KALRN: variants seen among roughly 807,000 people sequenced by gnomAD.
KALRN encodes kalirin RhoGEF kinase.
In KALRN, 70 loss-of-function variants were observed where a neutral mutation model predicts 353.7. That is an observed-to-expected ratio of 0.20 (90% CI 0.16 to 0.24). KALRN has a LOEUF of 0.24. Ranked by LOEUF, KALRN falls within the 10% of genes least tolerant of loss-of-function variation. The probability of loss-of-function intolerance (pLI) is 1.00; values close to 1 mark genes in which losing one functional copy is unlikely to be tolerated. For synonymous variants in KALRN, 1,391 were observed against 1,434.8 expected (o/e 0.97, Z 0.69); for missense variants, 2,791 against 3,756.7 (o/e 0.74, Z 6.72).
chr3:124,163,866 C>A, intron 1 of KALRN: 1 of 985,468 alleles, frequency 1.0e-6, no homozygotes, highest in Non-Finnish European at 1.2e-6. Context: ...CTCTGCATGA[C>A]CAAGCCTTGG....
rs146885046 is a variant in KALRN at position 124,352,989 on chromosome 3, C to T, written c.1770+5724C>T. Reference sequence around the variant, plus strand: ...GTAACAAACCTGCACGTTGTGCACACGTACCCCAGAACTGAAAGTATAACA... The same window carrying T: ...GTAACAAACCTGCACGTTGTGCACATGTACCCCAGAACTGAAAGTATAACA... On this transcript the variant is annotated intron_variant, in intron 10 of 59. Coordinates refer to ENST00000682506, the MANE Select transcript of KALRN (RefSeq NM_001388419.1). Among the ~76,000 whole-genome samples, 17 of 152,036 alleles carry T rather than the reference C, an allele frequency of 1.1e-4. No homozygotes were observed. The East Asian group carries it at 2.5e-3, about 23-fold the overall frequency.
intron 54 of KALRN, among the ~76,000 whole-genome samples, chr3:124,697,104 A>G (rs565274570): frequency 6.6e-6 from 1 of 152,110 alleles, no homozygotes; most frequent in Admixed American, 6.5e-5. Context: ...AACTTTTTGT[A>G]GTGATGGAGC....
chr3:124,604,990 A>C (rs2077184328), intron 34 of KALRN, among the ~76,000 whole-genome samples: 1 of 152,112 alleles, frequency 6.6e-6, no homozygotes, highest in African/African-American at 2.4e-5. Context: ...CCTCATCTCT[A>C]CAAAAAATAT....
intron 1 of KALRN, among the ~76,000 whole-genome samples, chr3:124,109,782 T>TAA (rs2062695940): frequency 1.4e-5 from 1 of 72,764 alleles, no homozygotes; most frequent in Non-Finnish European, 2.5e-5. Flanking sequence ...ATGACATATA[T>TAA]ATCATACTTT....
chr3:124,078,289 C>T (rs975680195), intron 1 of KALRN, among the ~76,000 whole-genome samples: 3 of 152,186 alleles, frequency 2.0e-5, no homozygotes, highest in Non-Finnish European at 4.4e-5. Flanking sequence ...ACTATACTAG[C>T]ATAAGAGACA....
chr3:124,156,207 G>C (rs2149967016), intron 1 of KALRN, among the ~76,000 whole-genome samples: 1 of 152,292 alleles, frequency 6.6e-6, no homozygotes, highest in South Asian at 2.1e-4. Flanking sequence ...CTCCACCTCT[G>C]CTTCTCTCTC....
Position 124,633,963 on chromosome 3 carries a change from CTTT to C in KALRN, c.5568+11_5568+13del. On this transcript the variant is annotated intron_variant, in intron 36 of 59. Transcript: ENST00000682506. Reference sequence around the variant, plus strand: ...TACACAGGATGAAATGGTAGAACTTCTTTACTTGCTCACTTAAAAGAGCAACGT... The same window carrying C: ...TACACAGGATGAAATGGTAGAACTTCACTTGCTCACTTAAAAGAGCAACGT... 1 of 1,608,078 alleles carries C rather than the reference CTTT, an allele frequency of 6.2e-7. No homozygotes were observed. The highest frequency in any genetic ancestry group is 8.5e-7 in the Non-Finnish European group (1 of 1,174,844).
rs756303896 is a variant in KALRN at position 124,446,143 on chromosome 3, C to T, written c.3314-18C>T. ...CTCAGAGCCCCTTGTGACCATCATG[C>T]ATCTCCTCTGCCCACAGCCATCCTG... On this transcript the variant is annotated intron_variant, in intron 19 of 59. Coordinates refer to ENST00000682506, the MANE Select transcript of KALRN (RefSeq NM_001388419.1). The T allele has an allele frequency of 6.4e-7, 1 of 1,561,472 alleles. No individual in the cohort carries two copies. Among genetic ancestry groups the T allele is most frequent in the Non-Finnish European group, 8.8e-7 (1 of 1,133,800 alleles).
rs555087216 is a variant in KALRN, at chr3:124,563,741, T to C, written c.5182+652T>C. ...ACTAAACTCCTCATGACAGTGTTTC[T>C]TTAGGGGTGGTCTCTGGATTAGTAA... On this transcript the variant is annotated intron_variant, in intron 34 of 59. Transcript: ENST00000682506. 2.6e-5 allele frequency among the ~76,000 whole-genome samples: 4 copies of C among 152,316 alleles called. No individual in the cohort carries two copies. The South Asian group carries it at 8.3e-4, about 32-fold the overall frequency.
In KALRN at chr3:124,446,170, G is replaced by A. The variant is rs1367817563; in HGVS notation, c.3323G>A (p.Ser1108Asn). Residue 1108 changes from serine to asparagine, a missense_variant, in exon 20 of 60, where the codon AGT becomes AAT. This residue lies in a region of KALRN where 268 missense variants were observed against 347.0 expected (regional missense o/e 0.77). Coordinates refer to ENST00000682506, the MANE Select transcript of KALRN (RefSeq NM_001388419.1). The part of the protein sequence containing the change: ...GPEQQVKAIL[S>N]ELLQRENRVL... ...TCTCCTCTGCCCACAGCCATCCTGA[G>A]TGAGCTCCTGCAGAGGGAGAATCGC... 32 of 1,613,476 alleles carry A rather than the reference G, an allele frequency of 2.0e-5. No homozygotes were observed. The highest frequency in any genetic ancestry group is 2.7e-5 in the Non-Finnish European group (32 of 1,179,450).
rs201174512 is a variant in KALRN at position 124,678,274 on chromosome 3, T to G, written c.7278T>G (p.Arg2426=). ...NTGKNEATGP[R]KPKDILGNKV... is the part of the protein sequence containing the mutation. ...GTAAAAATGAAGCCACAGGGCCTCG[T>G]AAACCCAAGGATATTCTGGGCAACA... Residue 2426 remains arginine, a synonymous_variant, in exon 50 of 60, where the codon CGT becomes CGG. Transcript: ENST00000682506. The G allele has an allele frequency of 6.2e-7, 1 of 1,614,062 alleles. No homozygotes were observed.
intron 2 of KALRN, among the ~76,000 whole-genome samples, chr3:124,231,808 A>T (rs2079192525): frequency 6.6e-6 from 1 of 152,058 alleles, no homozygotes; most frequent in Admixed American, 6.5e-5. Flanking sequence ...CATCTTGCAG[A>T]TCTATTGTTA....
chr3:124,179,943 A>G (rs750037362), intron 1 of KALRN, among the ~76,000 whole-genome samples: 4 of 152,118 alleles, frequency 2.6e-5, no homozygotes, highest in African/African-American at 4.8e-5. Context: ...ATAAGGGGGG[A>G]CTACTATAAT....
At chr3:124,067,384 A>G (rs960771982) in intron 1 of KALRN, among the ~76,000 whole-genome samples, 2 of 151,388 alleles carry the variant, frequency 1.3e-5, no homozygotes, top group Non-Finnish European at 1.5e-5. Context: ...TATGCTCTAC[A>G]CATAGTTGGT....
intron 47 of KALRN, among the ~76,000 whole-genome samples, chr3:124,668,043 G>GACAC (rs55672121): frequency 0.097 from 13,378 of 138,062 alleles, 749 homozygotes; most frequent in Non-Finnish European, 0.13. Context: ...TGTATATCGA[G>GACAC]ACACACACAC....
At chr3:124,490,008 C>CTA (rs1435889748) in intron 29 of KALRN, among the ~76,000 whole-genome samples, 2 of 152,180 alleles carry the variant, frequency 1.3e-5, no homozygotes, top group Admixed American at 6.5e-5. Flanking sequence ...TGGCTCATGC[C>CTA]TATAATCCTA....
chr3:124,277,402 G>T (rs1055435957), intron 5 of KALRN, among the ~76,000 whole-genome samples: 1 of 152,128 alleles, frequency 6.6e-6, no homozygotes, highest in African/African-American at 2.4e-5. Context: ...GGGCAAGGAA[G>T]TGTGTCTGTA....
chr3:124,271,419 G>A (rs2074155100), intron 5 of KALRN, among the ~76,000 whole-genome samples: 1 of 152,228 alleles, frequency 6.6e-6, no homozygotes, highest in Non-Finnish European at 1.5e-5. Context: ...CCAGGTCAAG[G>A]AGGCTGCCTT....
At chr3:124,576,376 G>A (rs747769914) in intron 34 of KALRN, among the ~76,000 whole-genome samples, 1 of 151,994 alleles carries the variant, frequency 6.6e-6, no homozygotes, top group Non-Finnish European at 1.5e-5. Flanking sequence ...AAGGAGGGAC[G>A]GATCATGCAT....
Sources: allele counts gnomAD v4.1 joint callset (sites outside exome capture counted in the v4.1 genomes callset), GRCh38; gene constraint gnomAD v4.1.1; regional missense constraint gnomAD v4.1.1; transcripts MANE v1.5; gene names NCBI Gene and HGNC (gene_info 2026-07-23, HGNC 2026-07-21).